ZMYM2: variants seen among roughly 807,000 people sequenced by gnomAD.
ZMYM2 encodes the protein zinc finger MYM-type protein 2.
In ZMYM2, 56 loss-of-function variants were observed where a neutral mutation model predicts 162.8. That is an observed-to-expected ratio of 0.34 (90% confidence interval 0.28 to 0.43). ZMYM2 has a LOEUF of 0.43. Among genes scored for constraint, ZMYM2 ranks in the 20% least tolerant of loss-of-function variants. The pLI is 1.00. For missense variants in ZMYM2, 1,275 were observed against 1,621.8 expected (o/e 0.79, Z 3.67); for synonymous variants, 510 against 541.6 (o/e 0.94, Z 0.81).
the ZMYM2 span, among the ~76,000 whole-genome samples, chr13:19,874,430 G>A: frequency 6.6e-6 from 1 of 151,942 alleles, no homozygotes; most frequent in Non-Finnish European, 1.5e-5. Context: ...GGAGGGTCTC[G>A]CTATGTTGCC....
chr13:20,005,537 T>C (rs1489734045), intron 5 of ZMYM2, among the ~76,000 whole-genome samples: 1 of 152,140 alleles, frequency 6.6e-6, no homozygotes, highest in Non-Finnish European at 1.5e-5. Flanking sequence ...AGGTTGATTT[T>C]TGTCTAGTAA....
the ZMYM2 span, among the ~76,000 whole-genome samples, chr13:19,927,479 C>T: frequency 4.6e-5 from 7 of 152,144 alleles, no homozygotes; most frequent in Non-Finnish European, 8.8e-5. Context: ...ATAATGCTTC[C>T]GTGATCCCTG....
intron 14 of ZMYM2, 134 bp from the exon 15 acceptor site, chr13:20,058,441 G>A: frequency 2.0e-6 from 2 of 1,025,058 alleles, no homozygotes; most frequent in East Asian, 2.6e-5. Context: ...TGAACATAGG[G>A]ATAATAGCAT....
chr13:20,030,985 G>T (rs1953075607), intron 9 of ZMYM2, among the ~76,000 whole-genome samples: 1 of 152,112 alleles, frequency 6.6e-6, no homozygotes, highest in South Asian at 2.1e-4. Flanking sequence ...ACTTCTGTTA[G>T]TTCAGAACGT....
intron 3 of ZMYM2, among the ~76,000 whole-genome samples, chr13:19,996,445 G>A (rs566968443): frequency 7.9e-4 from 120 of 152,180 alleles, no homozygotes; most frequent in Non-Finnish European, 1.6e-3. Flanking sequence ...AACTAGCCAG[G>A]GCTGGTTGCG....
chr13:20,028,931 ATC>A (rs1478181251), intron 9 of ZMYM2, among the ~76,000 whole-genome samples: 1 of 152,010 alleles, frequency 6.6e-6, no homozygotes, highest in Non-Finnish European at 1.5e-5. Context: ...AGGCAGCTTC[ATC>A]TCTCTGCATA....
Position 20,006,576 on chromosome 13 carries a change from A to C in ZMYM2, c.1502A>C (p.Glu501Ala). The change falls in exon 6 of 25, where the codon GAA (glutamate) becomes GCA (alanine). Residue 501 changes from glutamate (E) to alanine (A), a missense_variant. By Grantham distance (107) the Glu-to-Ala change is moderately radical (BLOSUM62 -1). This residue lies in a region of ZMYM2 where 276 missense variants were observed against 311.8 expected (regional missense o/e 0.89). Transcript: ENST00000610343. ...KRFCCQSCVS[E>A]YKQVGSHPSF... ...TTTTGCTGTCAAAGTTGTGTCAGTG[A>C]ATACAAACAGGTAATTCATGTTCTA... 1 of 1,613,820 alleles carries C rather than the reference A, an allele frequency of 6.2e-7. No homozygotes were observed. The highest frequency in any genetic ancestry group is 8.5e-7 in the Non-Finnish European group (1 of 1,179,806).
At chr13:19,881,980 C>CAAAAAAAAA in the ZMYM2 span, among the ~76,000 whole-genome samples, 1 of 121,736 alleles carries the variant, frequency 8.2e-6, no homozygotes, top group African/African-American at 3.1e-5. Context: ...ACTCTGTATC[C>CAAAAAAAAA]AAAAAAAAAA....
chr13:19,882,008 A>G, the ZMYM2 span, among the ~76,000 whole-genome samples: 1 of 150,688 alleles, frequency 6.6e-6, no homozygotes, highest in African/African-American at 2.4e-5. Flanking sequence ...AAAAATTTGT[A>G]TATTTTTACC....
the ZMYM2 span, among the ~76,000 whole-genome samples, chr13:19,901,815 A>C: frequency 9.2e-5 from 14 of 151,978 alleles, 1 homozygote; most frequent in Admixed American, 8.5e-4. Context: ...CAATCTGCTC[A>C]CTGTGCTCAT....
intron 15 of ZMYM2, 88 bp downstream of exon 15, chr13:20,058,792 G>C: frequency 6.6e-7 from 1 of 1,526,170 alleles, no homozygotes; most frequent in South Asian, 1.1e-5. Flanking sequence ...ACACCTCCAG[G>C]ATAGATTCAT....
chr13:20,069,656 T>C (rs1956932213), intron 21 of ZMYM2, among the ~76,000 whole-genome samples: 1 of 152,110 alleles, frequency 6.6e-6, no homozygotes, highest in Non-Finnish European at 1.5e-5. Context: ...CAGCCTAGCA[T>C]TCTTGGGATA....
At chr13:20,049,801 T>C (rs1955149068) in intron 12 of ZMYM2, among the ~76,000 whole-genome samples, 1 of 152,046 alleles carries the variant, frequency 6.6e-6, no homozygotes. Context: ...AGGTTCTCAG[T>C]GAACAAGGTA....
At chr13:19,874,259 G>A in the ZMYM2 span, among the ~76,000 whole-genome samples, 4 of 151,760 alleles carry the variant, frequency 2.6e-5, no homozygotes, top group Non-Finnish European at 2.9e-5. Flanking sequence ...TTGCTCTGTC[G>A]CCAAGGCTGG....
At chr13:20,058,761 A>T (rs1247469246) in intron 15 of ZMYM2, 57 bp downstream of exon 15, 1 of 1,592,882 alleles carries the variant, frequency 6.3e-7, no homozygotes, top group East Asian at 2.2e-5. Flanking sequence ...CACCTAATGA[A>T]ATACATGCTT....
At chr13:20,074,207 T>TGC (rs1029459278) in intron 21 of ZMYM2, among the ~76,000 whole-genome samples, 3 of 144,336 alleles carry the variant, frequency 2.1e-5, no homozygotes, top group African/African-American at 8.3e-5. Context: ...TGTGTGTGTG[T>TGC]GTGTGTGTGT....
chr13:19,899,816 C>CAA, the ZMYM2 span, among the ~76,000 whole-genome samples: 30 of 64,986 alleles, frequency 4.6e-4, no homozygotes, highest in African/African-American at 2.0e-3. Flanking sequence ...GACTCTGACT[C>CAA]AAAAAAAAAA....
At chr13:20,010,931 G>C (rs1462595676) in intron 6 of ZMYM2, among the ~76,000 whole-genome samples, 1 of 152,138 alleles carries the variant, frequency 6.6e-6, no homozygotes, top group Non-Finnish European at 1.5e-5. Flanking sequence ...GAGCCACTGC[G>C]CCTGGCCCTC....
chr13:19,879,745 T>C, the ZMYM2 span, among the ~76,000 whole-genome samples: 8 of 152,192 alleles, frequency 5.3e-5, no homozygotes, highest in Non-Finnish European at 1.2e-4. Flanking sequence ...GTATTGATAT[T>C]GTGATGGCCA....
Sources: gnomAD v4.1 joint callset for allele counts (sites outside exome capture counted in the v4.1 genomes callset) on GRCh38, gnomAD v4.1.1 for gene constraint, gnomAD v4.1.1 regional missense constraint, MANE v1.5 for transcripts, NCBI Gene and HGNC (gene_info 2026-07-23, HGNC 2026-07-21) for gene names.